Variants in NUF2 observed in about 807,000 individuals in gnomAD.
NUF2 encodes the protein kinetochore protein Nuf2.
Under a neutral mutation model 61.8 loss-of-function variants are expected in NUF2, and 34 were observed. The ratio of observed to expected loss-of-function variants is 0.55; its 90% confidence interval spans 0.42 to 0.73. The LOEUF (loss-of-function observed/expected upper bound fraction) is 0.73, where lower values mean the gene tolerates loss of function less well. NUF2 is among the 30% of genes least tolerant of loss of function. NUF2 has a pLI of 0.00. For missense variants in NUF2, 445 were observed against 539.1 expected (o/e 0.83, Z 1.73); for synonymous variants, 172 against 181.6 (o/e 0.95, Z 0.42).
At chr1:163,334,602 C>T (rs1650696365) in intron 5 of NUF2, among the ~76,000 whole-genome samples, 1 of 152,020 alleles carries the variant, frequency 6.6e-6, no homozygotes, top group Non-Finnish European at 1.5e-5. Flanking sequence ...ATAGCAAGAT[C>T]CTTTTTCTAC....
intron 9 of NUF2, among the ~76,000 whole-genome samples, chr1:163,341,204 CTTATT>C (rs1264613970): frequency 3.3e-5 from 5 of 152,074 alleles, no homozygotes; most frequent in African/African-American, 1.2e-4. Context: ...TTTATTTGTA[CTTATT>C]TTATTTTTTA....
intron 5 of NUF2, among the ~76,000 whole-genome samples, chr1:163,331,993 T>A (rs550053271): frequency 6.6e-6 from 1 of 152,100 alleles, no homozygotes; most frequent in East Asian, 1.9e-4. Context: ...TTATTGTTAT[T>A]CTTTCTTCAT....
At position 163,339,471 on chromosome 1, in the gene NUF2, A is replaced by G; in HGVS notation, c.600A>G (p.Gln200=). 3 of 1,604,144 alleles carry G rather than the reference A, an allele frequency of 1.9e-6. No individual in the cohort carries two copies. The highest frequency in any genetic ancestry group is 2.6e-6 in the Non-Finnish European group (3 of 1,171,312). Residue 200 remains glutamine, a synonymous_variant, in exon 8 of 14, where the codon CAA becomes CAG. Transcript: ENST00000271452. The part of the protein sequence containing the change: ...LQQSLNQDFH[Q]KTIVLQEGNS... ...AATCACTAAATCAGGATTTTCATCA[A>G]AAAACGGTATCTGTTGTGAGGCACC...
chr1:163,354,768 TAGA>T (rs1447393589), intron 13 of NUF2, among the ~76,000 whole-genome samples: 2 of 152,224 alleles, frequency 1.3e-5, no homozygotes, highest in South Asian at 2.1e-4. Context: ...AAGTATGAAA[TAGA>T]AGAAAATGTG....
Position 163,355,643 on chromosome 1 carries a change from A to C in NUF2, c.*174A>C, listed in dbSNP as rs1571406468. 1 of 403,410 alleles carries C rather than the reference A, an allele frequency of 2.5e-6. No individual in the cohort carries two copies. 25.0% of individuals were successfully genotyped at this position (403,410 alleles called of 1,614,324 possible). The stretch of plus-strand genomic sequence containing the variant: ...ATGAATTTAATGTAGGCTTTTATTA[A>C]TTTATAATTAAAATAACTTGTGCAG... On this transcript the variant is annotated 3_prime_UTR_variant, in exon 14 of 14. Coordinates refer to ENST00000271452, the MANE Select transcript of NUF2 (RefSeq NM_145697.3).
At chr1:163,343,673 A>T (rs1028696401) in intron 9 of NUF2, 60 bp from the exon 10 acceptor site, 2 of 812,452 alleles carry the variant, frequency 2.5e-6, no homozygotes, top group Middle Eastern at 4.0e-4. Context: ...CTTTCCCATT[A>T]CTAGAATGGT....
chr1:163,355,373 C>T lies in NUF2; in HGVS notation c.1299C>T (p.Tyr433=). Reference sequence around the variant, plus strand: ...ACTTGAAAACTGCTTTGGAGAAATACCACGACGGTATTGAAAAGGCAGCAG... The same window carrying T: ...ACTTGAAAACTGCTTTGGAGAAATATCACGACGGTATTGAAAAGGCAGCAG... ...FLNLKTALEK[Y]HDGIEKAAED... is the part of the protein sequence containing the mutation. The change falls in exon 14 of 14, where the codon TAC becomes TAT. Residue 433 remains tyrosine, a synonymous_variant. Transcript: ENST00000271452. The T allele has an allele frequency of 3.1e-6, 5 of 1,607,104 alleles. No homozygotes were observed. The highest frequency in any genetic ancestry group is 4.3e-6 in the Non-Finnish European group (5 of 1,176,196).
At chr1:163,352,669 G>A (rs981379660) in intron 13 of NUF2, among the ~76,000 whole-genome samples, 1 of 152,054 alleles carries the variant, frequency 6.6e-6, no homozygotes, top group African/African-American at 2.4e-5. Context: ...GATCGAGACC[G>A]TCCTGGCTAA....
At chr1:163,343,407 G>C (rs1350400394) in intron 9 of NUF2, among the ~76,000 whole-genome samples, 1 of 152,100 alleles carries the variant, frequency 6.6e-6, no homozygotes, top group African/African-American at 2.4e-5. Flanking sequence ...GGACCCTACT[G>C]GTCAAAGAAA....
chr1:163,335,634 T>G (rs7530829), intron 5 of NUF2, among the ~76,000 whole-genome samples: 62,891 of 151,652 alleles, frequency 0.41, 13,397 homozygotes, highest in South Asian at 0.59. Context: ...TTACGTTTGT[T>G]CACTTTCTTG....
chr1:163,343,810 G>T lies in NUF2; in HGVS notation c.747G>T (p.Glu249Asp). 2 of 1,441,810 alleles carry T rather than the reference G, an allele frequency of 1.4e-6. No homozygotes were observed. Among genetic ancestry groups the T allele is most frequent in the Non-Finnish European group, 1.8e-6 (2 of 1,086,456 alleles). The allele number at this position is 1,441,810 out of a possible 1,614,324, so 89.3% of individuals were successfully genotyped here. ...AAACAAAAATTGTGGATTCTCCAGAGAAGTTAAAGAATTATAAAGAAAAAA... is the reference window on the plus strand; with the variant it reads ...AAACAAAAATTGTGGATTCTCCAGATAAGTTAAAGAATTATAAAGAAAAAA... The part of the protein sequence containing the change: ...SLKTKIVDSP[E>D]KLKNYKEKMK... The change falls in exon 10 of 14, where the codon GAG (glutamate) becomes GAT (aspartate). Residue 249 changes from glutamate (E) to aspartate (D), a missense_variant. By Grantham distance (45) the Glu-to-Asp change is conservative (BLOSUM62 2). Transcript: ENST00000271452.
At chr1:163,337,257 T>C (rs1015051320) in intron 6 of NUF2, among the ~76,000 whole-genome samples, 1 of 152,126 alleles carries the variant, frequency 6.6e-6, no homozygotes, top group African/African-American at 2.4e-5. Flanking sequence ...CTGTTTGTGG[T>C]GGTGTTTATC....
At chr1:163,338,239 A>T in intron 7 of NUF2, 146 bp downstream of exon 7, 2 of 269,786 alleles carry the variant, frequency 7.4e-6, no homozygotes, top group Non-Finnish European at 1.3e-5. Context: ...CCTTTTCTTA[A>T]AAAAAAAAAA....
At chr1:163,322,605 A>G (rs941998262) in intron 1 of NUF2, among the ~76,000 whole-genome samples, 2 of 152,200 alleles carry the variant, frequency 1.3e-5, no homozygotes, top group Non-Finnish European at 2.9e-5. Context: ...TACTTAATTC[A>G]TTGAAGTTGG....
At chr1:163,326,570 A>C (rs2101665503) in intron 2 of NUF2, among the ~76,000 whole-genome samples, 1 of 152,246 alleles carries the variant, frequency 6.6e-6, no homozygotes, top group African/African-American at 2.4e-5. Context: ...TTGGAAGCCT[A>C]CAGATTAATT....
chr1:163,348,855 C>T (rs1557956063), intron 12 of NUF2, 90 bp from the exon 13 acceptor site: 3 of 1,398,718 alleles, frequency 2.1e-6, no homozygotes, highest in African/African-American at 1.4e-5. Context: ...AATACTGACA[C>T]ATGGTCACTT....
chr1:163,326,274 G>C (rs774490753), intron 2 of NUF2, 100 bp downstream of exon 2: 16 of 1,011,648 alleles, frequency 1.6e-5, no homozygotes, highest in Non-Finnish European at 2.0e-5. Flanking sequence ...CCTCCTATTT[G>C]ATGGAGACCA....
chr1:163,347,278 TA>T (rs1651165280), intron 11 of NUF2, among the ~76,000 whole-genome samples: 1 of 152,238 alleles, frequency 6.6e-6, no homozygotes, highest in Non-Finnish European at 1.5e-5. Context: ...CCAGGATAAC[TA>T]ACATTACATT....
intron 7 of NUF2, among the ~76,000 whole-genome samples, chr1:163,338,733 G>A (rs936233044): frequency 1.3e-5 from 2 of 152,062 alleles, no homozygotes. Flanking sequence ...AAACAAGAAT[G>A]ACAAAGTGGA....
Sources: gnomAD v4.1 joint callset for allele counts (sites outside exome capture counted in the v4.1 genomes callset) on GRCh38, gnomAD v4.1.1 for gene constraint, MANE v1.5 for transcripts, NCBI Gene and HGNC (gene_info 2026-07-23, HGNC 2026-07-21) for gene names.